Variants in ARMC9 observed in about 807,000 individuals in gnomAD.
The protein encoded by ARMC9 is armadillo repeat containing 9.
In ARMC9, 94 loss-of-function variants were observed where a neutral mutation model predicts 107.0. The observed-to-expected ratio is 0.88, with a 90% CI of 0.74 to 1.04. The LOEUF is 1.04. ARMC9 is among the 50% of genes least tolerant of loss of function. ARMC9 has a pLI of 0.00. For missense variants in ARMC9, 942 were observed against 1,030.1 expected, an observed-to-expected ratio of 0.91 and a Z score of 1.17; for synonymous variants, 380 against 396.9, an observed-to-expected ratio of 0.96 and a Z score of 0.51.
rs766807315 is a variant in ARMC9 at position 231,216,652 on chromosome 2, G to A, written c.363G>A (p.Leu121=). The change falls in exon 5 of 25, where the codon CTG becomes CTA. Residue 121 remains leucine, a synonymous_variant. Transcript: ENST00000611582. ...YSVGRPDKEE[L]DEKISYFKTY... ...CCTTCTTCTAGGACAAAGAGGAGCT[G>A]GATGAAAAGATTTCCTACTTCAAAA... 16 of 1,613,450 alleles carry A rather than the reference G, an allele frequency of 9.9e-6. No homozygotes were observed. The highest frequency in any genetic ancestry group is 1.3e-5 in the Non-Finnish European group (15 of 1,179,740).
intron 19 of ARMC9, among the ~76,000 whole-genome samples, chr2:231,324,830 A>G (rs1229267359): frequency 6.6e-6 from 1 of 152,128 alleles, no homozygotes; most frequent in Non-Finnish European, 1.5e-5. Context: ...AACCCTAGCT[A>G]TTCAGAGGCT....
At chr2:231,341,442 T>C (rs1396351815) in intron 20 of ARMC9, among the ~76,000 whole-genome samples, 2 of 152,140 alleles carry the variant, frequency 1.3e-5, no homozygotes, top group Admixed American at 6.6e-5. Flanking sequence ...CAAAACTGGG[T>C]CCTATGGCCC....
intron 23 of ARMC9, among the ~76,000 whole-genome samples, chr2:231,364,539 G>A (rs1473024110): frequency 6.6e-6 from 1 of 152,178 alleles, no homozygotes; most frequent in Non-Finnish European, 1.5e-5. Context: ...GCTCATGCCT[G>A]GAATCCCAGC....
chr2:231,339,916 A>G (rs1559485373), intron 20 of ARMC9, among the ~76,000 whole-genome samples: 1 of 152,204 alleles, frequency 6.6e-6, no homozygotes, highest in Non-Finnish European at 1.5e-5. Flanking sequence ...CTGGGTGACA[A>G]GAGTGAAACT....
At chr2:231,289,155 T>C (rs1408164703) in intron 17 of ARMC9, among the ~76,000 whole-genome samples, 4 of 152,232 alleles carry the variant, frequency 2.6e-5, no homozygotes, top group Admixed American at 1.3e-4. Context: ...TTACCTAATA[T>C]ATGTGATTTT....
chr2:231,293,241 G>GAAAATT (rs2041140059), intron 18 of ARMC9, among the ~76,000 whole-genome samples: 1 of 152,054 alleles, frequency 6.6e-6, no homozygotes, highest in Non-Finnish European at 1.5e-5. Flanking sequence ...CCCTCATTCT[G>GAAAATT]GCATATTGAA....
chr2:231,204,614 A>C (rs965600886), intron 1 of ARMC9, among the ~76,000 whole-genome samples: 1 of 152,042 alleles, frequency 6.6e-6, no homozygotes, highest in Non-Finnish European at 1.5e-5. Flanking sequence ...TGGTCTAGGC[A>C]CAGGGGAACA....
intron 9 of ARMC9, among the ~76,000 whole-genome samples, chr2:231,250,108 GC>G (rs2125392544): frequency 6.6e-6 from 1 of 152,298 alleles, no homozygotes; most frequent in East Asian, 1.9e-4. Context: ...TGAGCTCTCA[GC>G]CTGAAATCCT....
At chr2:231,253,958 AAGG>A (rs2037524995) in intron 9 of ARMC9, among the ~76,000 whole-genome samples, 1 of 152,172 alleles carries the variant, frequency 6.6e-6, no homozygotes, top group Non-Finnish European at 1.5e-5. Context: ...GAAGAACAAA[AAGG>A]AGGTGAAGAA....
intron 19 of ARMC9, among the ~76,000 whole-genome samples, chr2:231,311,159 G>C (rs1260057121): frequency 6.6e-6 from 1 of 152,134 alleles, no homozygotes; most frequent in Non-Finnish European, 1.5e-5. Context: ...GAAAAAGACA[G>C]AAGCATAGTG....
intron 21 of ARMC9, among the ~76,000 whole-genome samples, chr2:231,354,761 C>A (rs1045863825): frequency 2.0e-5 from 3 of 152,214 alleles, no homozygotes. Context: ...GTGTGTTCCC[C>A]ACTGAGCCCT....
At chr2:231,247,984 C>T (rs1334296027) in intron 9 of ARMC9, among the ~76,000 whole-genome samples, 1 of 152,176 alleles carries the variant, frequency 6.6e-6, no homozygotes, top group Non-Finnish European at 1.5e-5. Flanking sequence ...AGAGCTGTGA[C>T]CAGCCATCAG....
At chr2:231,217,041 G>C (rs544076111) in intron 5 of ARMC9, among the ~76,000 whole-genome samples, 2 of 152,146 alleles carry the variant, frequency 1.3e-5, no homozygotes, top group Admixed American at 6.5e-5. Context: ...AAGAGTTATA[G>C]TAATTAACAC....
At chr2:231,253,496 G>A (rs180724138) in intron 9 of ARMC9, among the ~76,000 whole-genome samples, 1 of 152,218 alleles carries the variant, frequency 6.6e-6, no homozygotes, top group Non-Finnish European at 1.5e-5. Flanking sequence ...GCAGTGAGCT[G>A]AGGTCATGCC....
intron 19 of ARMC9, among the ~76,000 whole-genome samples, chr2:231,308,149 C>G (rs753307716): frequency 2.0e-5 from 3 of 152,224 alleles, no homozygotes; most frequent in Non-Finnish European, 4.4e-5. Context: ...CATCAGTGTT[C>G]AAGTTCACTG....
intron 2 of ARMC9, among the ~76,000 whole-genome samples, chr2:231,207,487 T>C (rs770115229): frequency 1.8e-4 from 27 of 151,886 alleles, no homozygotes; most frequent in African/African-American, 6.0e-4. Flanking sequence ...TTTTTTTCTT[T>C]TTTTTTGAGA....
Position 231,297,468 on chromosome 2 carries a change from C to T in ARMC9, c.1773+1215C>T, listed in dbSNP as rs191173036. Among the ~76,000 whole-genome samples the T allele has an allele frequency of 1.3e-5, 2 of 152,278 alleles. No homozygotes were observed. Among genetic ancestry groups the T allele is most frequent in the Admixed American group, 1.3e-4 (2 of 15,294 alleles). ...AGGAACTATTTTAGGGCTTGCAGGC[C>T]ACACAGTCTCTGTTCCAACCACTCA... On this transcript the variant is annotated intron_variant, in intron 19 of 24. Transcript: ENST00000611582. This position sits in a 1 kb window ranked among gnomAD's most constrained non-coding sequence, Gnocchi z 4.2.
intron 19 of ARMC9, among the ~76,000 whole-genome samples, chr2:231,324,065 T>C (rs1476643394): frequency 6.6e-6 from 1 of 151,798 alleles, no homozygotes; most frequent in Non-Finnish European, 1.5e-5. Context: ...GAAACTGTCC[T>C]GTGTTTCTGG....
chr2:231,270,297 T>G (rs1199479809), intron 12 of ARMC9, among the ~76,000 whole-genome samples: 1 of 152,164 alleles, frequency 6.6e-6, no homozygotes, highest in Non-Finnish European at 1.5e-5. Context: ...CACAGACCCT[T>G]TGTGTCTCCC....
Sources: allele counts gnomAD v4.1 joint callset (sites outside exome capture counted in the v4.1 genomes callset), GRCh38; gene constraint gnomAD v4.1.1; non-coding constraint Gnocchi (gnomAD v3.1); transcripts MANE v1.5; gene names NCBI Gene and HGNC (gene_info 2026-07-23, HGNC 2026-07-21).